KLF13: variants seen among roughly 807,000 people sequenced by gnomAD.
The protein encoded by KLF13 is KLF transcription factor 13.
Under a neutral mutation model 16.7 loss-of-function variants are expected in KLF13, and 8 were observed. That is an observed-to-expected ratio of 0.48 (90% CI 0.28 to 0.87). KLF13 has a LOEUF of 0.87. KLF13 is among the 40% of genes least tolerant of loss of function. The pLI, the probability that KLF13 is intolerant of heterozygous loss-of-function variation, is 0.10. For synonymous variants in KLF13, 245 were observed against 208.4 expected (o/e 1.18, Z -1.51); for missense variants, 447 against 452.2 (o/e 0.99, Z 0.10).
intron 2 of KLF13, among the ~76,000 whole-genome samples, chr15:31,403,244 A>T (rs1437512133): frequency 6.6e-6 from 1 of 152,174 alleles, no homozygotes. Flanking sequence ...TGGGCAATAT[A>T]CTCCAAGTCA....
chr15:31,365,573 T>A (rs2039454379), intron 1 of KLF13, among the ~76,000 whole-genome samples: 1 of 125,118 alleles, frequency 8.0e-6, no homozygotes, highest in Non-Finnish European at 1.6e-5. Context: ...CAGAAAGATC[T>A]GCAGTGTGGT....
At chr15:31,394,742 A>T (rs2039932127) in intron 2 of KLF13, among the ~76,000 whole-genome samples, 1 of 152,154 alleles carries the variant, frequency 6.6e-6, no homozygotes, top group South Asian at 2.1e-4. Context: ...TGCAACCATT[A>T]CCACAGTTAA....
At chr15:31,424,993 A>C (rs1326358646) in intron 1 of KLF13, among the ~76,000 whole-genome samples, 4 of 152,066 alleles carry the variant, frequency 2.6e-5, no homozygotes, top group African/African-American at 9.7e-5. Context: ...ATATCTAACA[A>C]TGAACAATTT....
intron 1 of KLF13, among the ~76,000 whole-genome samples, chr15:31,427,324 AAAAAAAC>A (rs1156423755): frequency 3.5e-5 from 5 of 143,596 alleles, no homozygotes; most frequent in East Asian, 1.9e-4. Flanking sequence ...GGACCACTGT[AAAAAAAC>A]AAAAAACAAA....
intron 1 of KLF13, among the ~76,000 whole-genome samples, chr15:31,341,052 T>C (rs2039014287): frequency 6.6e-6 from 1 of 152,192 alleles, no homozygotes; most frequent in Admixed American, 6.5e-5. Flanking sequence ...GTCTCTCTTA[T>C]TGGATCGCCT....
chr15:31,328,422 C>T (rs1012033733), intron 1 of KLF13, among the ~76,000 whole-genome samples: 2 of 151,954 alleles, frequency 1.3e-5, no homozygotes, highest in African/African-American at 4.8e-5. Flanking sequence ...GGGGCGGTCC[C>T]GGGTCCCGCT....
intron 1 of KLF13, among the ~76,000 whole-genome samples, chr15:31,364,046 C>G (rs983396965): frequency 6.6e-6 from 1 of 152,134 alleles, no homozygotes; most frequent in Non-Finnish European, 1.5e-5. Context: ...CACTACCTTT[C>G]GTTCTAATTC....
chr15:31,415,606 C>G (rs1388066964), intron 1 of KLF13, among the ~76,000 whole-genome samples: 1 of 151,964 alleles, frequency 6.6e-6, no homozygotes. Flanking sequence ...AACGAAGATA[C>G]GACATCCCCA....
intron 1 of KLF13, among the ~76,000 whole-genome samples, chr15:31,343,788 G>C (rs926465172): frequency 2.0e-5 from 3 of 152,286 alleles, no homozygotes; most frequent in African/African-American, 7.2e-5. Flanking sequence ...CACTGACTGC[G>C]GGTCACCATG....
intron 1 of KLF13, among the ~76,000 whole-genome samples, chr15:31,365,643 G>C (rs1465777945): frequency 6.6e-6 from 1 of 152,100 alleles, no homozygotes; most frequent in African/African-American, 2.4e-5. Flanking sequence ...GTGGGGGGTT[G>C]GGGGGGAGTT....
At position 31,402,844 on chromosome 15, in the gene KLF13, T is replaced by C. The variant is rs77835551; in HGVS notation, n.530-584T>C. ...GCAGTATATGGGTCTTATCGGAATA[T>C]GAAATACTAAAATGTGGGGAAAAAA... On this transcript the variant is annotated intron_variant and non_coding_transcript_variant, in intron 2 of 2. Coordinates refer to the KLF13 transcript ENST00000500533. Among the ~76,000 whole-genome samples, 362 of 149,830 alleles carry C rather than the reference T, an allele frequency of 2.4e-3. 13 individuals are homozygous for C. In the East Asian group the frequency reaches 0.065, roughly 27 times the overall value.
chr15:31,360,930 G>T (rs1595472030), intron 1 of KLF13, among the ~76,000 whole-genome samples: 1 of 152,200 alleles, frequency 6.6e-6, no homozygotes, highest in African/African-American at 2.4e-5. Context: ...GCTGGGCCTG[G>T]AAGAGGAGCC....
rs1368388993 is a variant in KLF13, at chr15:31,327,094, C to G, written c.-119C>G. The G allele has an allele frequency of 3.2e-6, 3 of 927,032 alleles. No homozygotes were observed. The highest frequency in any genetic ancestry group is 1.4e-6 in the Non-Finnish European group (1 of 739,492). 57.4% of individuals were successfully genotyped at this position (927,032 alleles called of 1,614,324 possible). ...GCTGCGCGCCCAGCCCAGCCCAGCC[C>G]AGCCCGAGGAGAGGGCGCGCCGCGC... is the stretch of plus-strand genomic sequence containing the variant. On this transcript the variant is annotated 5_prime_UTR_variant, in exon 1 of 2. Coordinates refer to ENST00000307145, the MANE Select transcript of KLF13 (RefSeq NM_015995.4).
In KLF13 at chr15:31,327,158, G is replaced by A; in HGVS notation, c.-55G>A. ...CCGCTCTCCCGAGGCCGTGGGTGCG[G>A]ATGCGCGGCTGACGACTCGCAGCAA... On this transcript the variant is annotated 5_prime_UTR_variant, in exon 1 of 2. Coordinates refer to ENST00000307145, the MANE Select transcript of KLF13 (RefSeq NM_015995.4). 1 of 1,259,430 alleles carries A rather than the reference G, an allele frequency of 7.9e-7. No individual in the cohort carries two copies. Among genetic ancestry groups the A allele is most frequent in the African/African-American group, 1.6e-5 (1 of 62,716 alleles). The allele number at this position is 1,259,430 out of a possible 1,614,324, so 78.0% of individuals were successfully genotyped here. A position where few individuals can be genotyped will look rare whatever the true frequency, so the allele number is the denominator to read the frequency against.
intron 1 of KLF13, among the ~76,000 whole-genome samples, chr15:31,368,898 C>G (rs1051818986): frequency 6.6e-6 from 1 of 152,066 alleles, no homozygotes; most frequent in Non-Finnish European, 1.5e-5. Flanking sequence ...AAAAAAAATC[C>G]TCTCACCAGT....
At position 31,349,332 on chromosome 15, in the gene KLF13, GATT is replaced by G. The variant is rs2039179420; in HGVS notation, c.577+21546_577+21548del. 5.3e-5 allele frequency among the ~76,000 whole-genome samples: 8 copies of G among 152,362 alleles called. No individual in the cohort carries two copies. The South Asian group carries it at 1.7e-3, about 32-fold the overall frequency. The stretch of plus-strand genomic sequence containing the variant: ...TTCCCCATGAGCCGCCACCTGTGCA[GATT>G]ATGACATGTTTCCCCAGAGTGTGGG... On this transcript the variant is annotated intron_variant, in intron 1 of 1. Transcript: ENST00000307145.
At chr15:31,412,699 T>TCTA (rs2141002428) in intron 1 of KLF13, among the ~76,000 whole-genome samples, 1 of 151,692 alleles carries the variant, frequency 6.6e-6, no homozygotes, top group South Asian at 2.1e-4. Flanking sequence ...CGTGATTTCT[T>TCTA]AAAAATTTTG....
Position 31,384,099 on chromosome 15 carries a change from C to T in KLF13, n.224-51271C>T, listed in dbSNP as rs73383042. Among the ~76,000 whole-genome samples the T allele has an allele frequency of 6.9e-3, 1,052 of 152,200 alleles. 19 individuals carry two copies. The highest frequency in any genetic ancestry group is 0.024 in the African/African-American group (976 of 41,500). On this transcript the variant is annotated intron_variant and non_coding_transcript_variant, in intron 1 of 1. Coordinates refer to the KLF13 transcript ENST00000558921. ...AGTATGATCATGATTTATTAAAACA[C>T]TTTTCTCTATAGCTATATTGTGTTT... is the stretch of plus-strand genomic sequence containing the variant.
At chr15:31,337,620 G>A (rs1427683427) in intron 1 of KLF13, among the ~76,000 whole-genome samples, 4 of 152,200 alleles carry the variant, frequency 2.6e-5, no homozygotes, top group African/African-American at 9.7e-5. Context: ...GTATGGTGTA[G>A]CCTCTTGCTT....
Sources: gnomAD v4.1 joint callset for allele counts (sites outside exome capture counted in the v4.1 genomes callset) on GRCh38, gnomAD v4.1.1 for gene constraint, MANE v1.5 for transcripts, NCBI Gene and HGNC (gene_info 2026-07-23, HGNC 2026-07-21) for gene names.